The following DGKB variants were observed in gnomAD, a reference collection of about 807,000 sequenced individuals.
The protein encoded by DGKB is diacylglycerol kinase beta, also known as 90 kDa diacylglycerol kinase.
DGKB carries 67 observed loss-of-function variants against 114.3 expected under a neutral mutation model. The ratio of observed to expected loss-of-function variants is 0.59; its 90% CI spans 0.48 to 0.72. The LOEUF (loss-of-function observed/expected upper bound fraction) is 0.72. DGKB is among the 30% of genes least tolerant of loss of function. The pLI is 0.00. For synonymous variants in DGKB, 398 were observed against 323.1 expected (o/e 1.23, Z -2.49); for missense variants, 907 against 975.2 (o/e 0.93, Z 0.93).
At position 14,146,660 on chromosome 7, in the gene DGKB, G is replaced by T. The variant is rs1781510389; in HGVS notation, c.*2471C>A. 1 of 152,028 alleles carries T rather than the reference G, an allele frequency of 6.6e-6. No homozygotes were observed. The highest frequency in any genetic ancestry group is 1.5e-5 in the Non-Finnish European group (1 of 68,000). The allele number at this position is 152,028 out of a possible 1,614,324, so 9.4% of individuals were successfully genotyped here. A position where few individuals can be genotyped will look rare whatever the true frequency, so the allele number is the denominator to read the frequency against. ...TAAAAACTACTTTCCAAACCCCAGG[G>T]GCAGTATACTTGAAGGGGCAAGTAC... is the stretch of plus-strand genomic sequence containing the variant. On this transcript the variant is annotated 3_prime_UTR_variant, in exon 26 of 26. Transcript: ENST00000402815.
intron 18 of DGKB, among the ~76,000 whole-genome samples, chr7:14,582,532 A>G (rs1584949180): frequency 1.3e-5 from 2 of 152,286 alleles, no homozygotes; most frequent in South Asian, 4.1e-4. Context: ...TAGGTTCCCT[A>G]TCTCTACATG....
chr7:14,422,764 A>C (rs540720559), intron 21 of DGKB, among the ~76,000 whole-genome samples: 63 of 152,124 alleles, frequency 4.1e-4, no homozygotes, highest in Non-Finnish European at 7.4e-4. Context: ...AGAATAGTGA[A>C]TAGATTTTTC....
At chr7:14,477,815 C>T (rs1040194032) in intron 21 of DGKB, among the ~76,000 whole-genome samples, 22 of 152,014 alleles carry the variant, frequency 1.4e-4, no homozygotes, top group African/African-American at 5.3e-4. Flanking sequence ...AATCAGAACC[C>T]TGTGTTTTTC....
intron 13 of DGKB, among the ~76,000 whole-genome samples, chr7:14,644,133 A>G (rs1812434234): frequency 6.6e-6 from 1 of 150,838 alleles, no homozygotes. Flanking sequence ...AAAAAAAATC[A>G]TATGGAGAAT....
chr7:14,705,864 C>T (rs1287067296), intron 6 of DGKB, among the ~76,000 whole-genome samples: 1 of 151,682 alleles, frequency 6.6e-6, no homozygotes, highest in East Asian at 1.9e-4. Flanking sequence ...CAAAATCATG[C>T]CAAAATGTAA....
chr7:14,776,787 G>A (rs1838265848), intron 2 of DGKB, among the ~76,000 whole-genome samples: 1 of 152,210 alleles, frequency 6.6e-6, no homozygotes, highest in Admixed American at 6.5e-5. Flanking sequence ...CCCTTATACA[G>A]CACAGAGTCC....
intron 17 of DGKB, among the ~76,000 whole-genome samples, chr7:14,595,858 A>G (rs1449719984): frequency 6.6e-6 from 1 of 152,068 alleles, no homozygotes; most frequent in Admixed American, 6.6e-5. Context: ...GGAATGTTCC[A>G]CTTAGCTTCA....
intron 13 of DGKB, 31 bp from the exon 14 acceptor site, chr7:14,630,299 T>C: frequency 6.5e-7 from 1 of 1,531,776 alleles, no homozygotes; most frequent in Middle Eastern, 1.7e-4. Flanking sequence ...ATATGAAAGC[T>C]GAAAAAGAGT....
rs183893247 is a variant in DGKB, at chr7:14,770,009, T to A, written c.71-12278A>T. On this transcript the variant is annotated intron_variant, in intron 2 of 25. Transcript: ENST00000402815. ...AGCCACCTTAACAGTATCCAGGGCT[T>A]AGGATTTGGACATATCTATTTTAAA... Among the ~76,000 whole-genome samples the A allele has an allele frequency of 1.2e-4, 18 of 152,236 alleles. No homozygotes were observed. In the East Asian group the frequency reaches 3.1e-3, roughly 26 times the overall value.
chr7:14,531,939 T>G (rs1352518704), intron 20 of DGKB, among the ~76,000 whole-genome samples: 2 of 151,082 alleles, frequency 1.3e-5, no homozygotes, highest in Non-Finnish European at 3.0e-5. Context: ...AGAACTTTTA[T>G]CATGCTAGTG....
In DGKB at chr7:14,580,905, A is replaced by T; in HGVS notation, c.1566T>A (p.Leu522=). The T allele has an allele frequency of 3.7e-6, 6 of 1,604,986 alleles. No individual in the cohort carries two copies. Among genetic ancestry groups the T allele is most frequent in the East Asian group, 2.2e-5 (1 of 44,792 alleles). The change falls in exon 19 of 26, where the codon CTT becomes CTA. Residue 522 remains leucine, a synonymous_variant. Transcript: ENST00000402815. ...GKHPPVAILP[L]GTGNDLARCL... is the part of the protein sequence containing the mutation. Reference sequence around the variant, plus strand: ...ATCTTGCTAGATCATTGCCAGTCCCAAGAGGCAGAATCGCAACTGGAGGAT... The same window carrying T: ...ATCTTGCTAGATCATTGCCAGTCCCTAGAGGCAGAATCGCAACTGGAGGAT...
At chr7:14,215,268 C>T (rs1422455675) in intron 23 of DGKB, among the ~76,000 whole-genome samples, 1 of 152,006 alleles carries the variant, frequency 6.6e-6, no homozygotes, top group Non-Finnish European at 1.5e-5. Flanking sequence ...TATAGGCATG[C>T]ATGTGAGTCA....
intron 20 of DGKB, among the ~76,000 whole-genome samples, chr7:14,486,139 T>A (rs1783773871): frequency 6.6e-6 from 1 of 152,170 alleles, no homozygotes; most frequent in African/African-American, 2.4e-5. Flanking sequence ...AGGGCAGTGA[T>A]ACCTGGGTTA....
intron 1 of DGKB, among the ~76,000 whole-genome samples, chr7:14,964,703 G>C (rs979199128): frequency 2.0e-5 from 3 of 152,092 alleles, no homozygotes; most frequent in Non-Finnish European, 2.9e-5. Flanking sequence ...ATTTTTAAGA[G>C]ATCTTGCTGG....
intron 21 of DGKB, among the ~76,000 whole-genome samples, chr7:14,394,524 T>C (rs1055621931): frequency 6.6e-6 from 1 of 152,182 alleles, no homozygotes; most frequent in African/African-American, 2.4e-5. Context: ...CAATATTTCA[T>C]AGGAAATTCT....
intron 14 of DGKB, among the ~76,000 whole-genome samples, chr7:14,629,415 A>T (rs1225479192): frequency 6.6e-6 from 1 of 151,986 alleles, no homozygotes; most frequent in African/African-American, 2.4e-5. Flanking sequence ...TTAAAAAGCC[A>T]TTTTTGGTGG....
chr7:14,249,791 A>T (rs1342003972), intron 23 of DGKB, among the ~76,000 whole-genome samples: 2 of 151,978 alleles, frequency 1.3e-5, no homozygotes, highest in African/African-American at 4.8e-5. Context: ...TCATAATTTC[A>T]TCACTTTTTA....
At chr7:14,771,435 C>G (rs900387395) in intron 2 of DGKB, among the ~76,000 whole-genome samples, 1 of 151,906 alleles carries the variant, frequency 6.6e-6, no homozygotes, top group Admixed American at 6.6e-5. Flanking sequence ...ACAATATTAC[C>G]CAATGCTGGT....
intron 7 of DGKB, among the ~76,000 whole-genome samples, chr7:14,701,021 A>G (rs1825074472): frequency 6.6e-6 from 1 of 152,176 alleles, no homozygotes; most frequent in South Asian, 2.1e-4. Context: ...ACTACTTTCT[A>G]TTTCTCTGAA....
Sources: gnomAD v4.1 joint callset for allele counts (sites outside exome capture counted in the v4.1 genomes callset) on GRCh38, gnomAD v4.1.1 for gene constraint, MANE v1.5 for transcripts, NCBI Gene and HGNC (gene_info 2026-07-23, HGNC 2026-07-21) for gene names.